CNIH3: variants seen among roughly 807,000 people sequenced by gnomAD.
The protein encoded by CNIH3 is protein cornichon homolog 3.
CNIH3 carries 14 observed loss-of-function variants against 24.1 expected under a neutral mutation model. The ratio of observed to expected loss-of-function variants is 0.58; its 90% CI spans 0.38 to 0.91. The LOEUF (loss-of-function observed/expected upper bound fraction) is 0.91. CNIH3 is among the 40% of genes least tolerant of loss of function. The pLI, the probability that CNIH3 is intolerant of heterozygous loss-of-function variation, is 0.00. For missense variants in CNIH3, 178 were observed against 196.8 expected (o/e 0.90, Z 0.57); for synonymous variants, 68 against 73.8 (o/e 0.92, Z 0.40).
chr1:224,624,739 C>G (rs1683436540), intron 1 of CNIH3, among the ~76,000 whole-genome samples: 1 of 152,200 alleles, frequency 6.6e-6, no homozygotes. Context: ...CCATGTTATT[C>G]CCAGACTAAA....
At chr1:224,586,207 C>T (rs1226761923) in intron 5 of CNIH3, among the ~76,000 whole-genome samples, 3 of 152,116 alleles carry the variant, frequency 2.0e-5, no homozygotes, top group South Asian at 2.1e-4. Flanking sequence ...TGTATTAGCC[C>T]GTTTTCATGC....
chr1:224,579,056 GTTTCTTTTTTCTTT>G (rs1206303111), intron 4 of CNIH3, among the ~76,000 whole-genome samples: 1 of 138,750 alleles, frequency 7.2e-6, no homozygotes, highest in Non-Finnish European at 1.5e-5. Context: ...AACTGATCAT[GTTTCTTTTTTCTTT>G]TTTTTTTTTT....
downstream of CNIH3, among the ~76,000 whole-genome samples, chr1:224,592,316 A>G (rs1681794781): frequency 6.6e-6 from 1 of 152,206 alleles, no homozygotes; most frequent in Non-Finnish European, 1.5e-5. Flanking sequence ...GTAAAAGACA[A>G]GAGAGCAGAA....
chr1:224,644,200 A>AG (rs1474810854), intron 1 of CNIH3, among the ~76,000 whole-genome samples: 1 of 152,054 alleles, frequency 6.6e-6, no homozygotes, highest in Non-Finnish European at 1.5e-5. Flanking sequence ...CTTTGTTACA[A>AG]GCATGTTGTT....
At chr1:224,714,458 C>T (rs1433547042) in intron 3 of CNIH3, among the ~76,000 whole-genome samples, 1 of 152,194 alleles carries the variant, frequency 6.6e-6, no homozygotes, top group African/African-American at 2.4e-5. Context: ...TTCCTTTGCT[C>T]TCTTCAAGGG....
chr1:224,459,015 C>G (rs1379770064), intron 1 of CNIH3, among the ~76,000 whole-genome samples: 1 of 152,230 alleles, frequency 6.6e-6, no homozygotes, highest in Non-Finnish European at 1.5e-5. Flanking sequence ...GTGATCAGCT[C>G]TCTTAGGGCA....
chr1:224,574,726 T>C lies in CNIH3; in HGVS notation n.517-8438T>C, dbSNP rs988269529. On this transcript the variant is annotated intron_variant and non_coding_transcript_variant, in intron 4 of 5. Transcript: ENST00000471578. ...AAAGGAGCCTGCCAGAAGATGCTCA[T>C]TGACCTGAAGCTGGACTACCTGGAC... 10 of 1,195,026 alleles carry C rather than the reference T, an allele frequency of 8.4e-6. No individual in the cohort carries two copies. The African/African-American group carries it at 9.0e-5, about 11-fold the overall frequency. 74.0% of individuals were successfully genotyped at this position (1,195,026 alleles called of 1,614,324 possible).
At chr1:224,681,740 T>C (rs976316458) in intron 2 of CNIH3, among the ~76,000 whole-genome samples, 6 of 152,172 alleles carry the variant, frequency 3.9e-5, no homozygotes, top group Non-Finnish European at 7.3e-5. Context: ...GTTTCCCTGG[T>C]CAGTGTAGTC....
At chr1:224,676,844 T>C (rs1055251100) in intron 1 of CNIH3, among the ~76,000 whole-genome samples, 1 of 152,198 alleles carries the variant, frequency 6.6e-6, no homozygotes, top group African/African-American at 2.4e-5. Context: ...AGGCTGAAAC[T>C]GGGAATCTAT....
chr1:224,719,510 A>G lies in CNIH3; in HGVS notation c.199-10952A>G, dbSNP rs1211240654. Among the ~76,000 whole-genome samples, 6 of 152,240 alleles carry G rather than the reference A, an allele frequency of 3.9e-5. No homozygotes were observed. In the East Asian group the frequency reaches 1.2e-3, roughly 29 times the overall value. ...GAGTATTTGAACTGAGAAGGACTGT[A>G]GAGATTGTAAGGTCAAATGTCTCCT... is the stretch of plus-strand genomic sequence containing the variant. On this transcript the variant is annotated intron_variant, in intron 3 of 5. Transcript: ENST00000272133.
At chr1:224,504,840 G>A (rs143625057) in intron 1 of CNIH3, among the ~76,000 whole-genome samples, 1 of 152,268 alleles carries the variant, frequency 6.6e-6, no homozygotes, top group Non-Finnish European at 1.5e-5. Context: ...CTGTTTAGAG[G>A]ATCAGATGAG....
intron 1 of CNIH3, among the ~76,000 whole-genome samples, chr1:224,675,548 G>A (rs1158995945): frequency 6.6e-6 from 1 of 152,126 alleles, no homozygotes; most frequent in Non-Finnish European, 1.5e-5. Context: ...CAGCATAGAA[G>A]ACAATATTTG....
chr1:224,450,343 G>A (rs925298741), intron 1 of CNIH3, among the ~76,000 whole-genome samples: 2 of 152,184 alleles, frequency 1.3e-5, no homozygotes, highest in African/African-American at 4.8e-5. Context: ...GGTATGACGT[G>A]CTAGGCAGAG....
intron 2 of CNIH3, among the ~76,000 whole-genome samples, chr1:224,546,663 T>C (rs1679716255): frequency 6.6e-6 from 1 of 152,194 alleles, no homozygotes; most frequent in East Asian, 1.9e-4. Flanking sequence ...AAAATTTATG[T>C]AAAATACCCT....
intron 4 of CNIH3, among the ~76,000 whole-genome samples, chr1:224,580,345 G>A (rs1423624227): frequency 6.6e-6 from 1 of 152,132 alleles, no homozygotes; most frequent in East Asian, 1.9e-4. Flanking sequence ...TCTGACACAA[G>A]CCTCCACCAA....
chr1:224,662,005 T>G (rs1685379426), intron 1 of CNIH3: 1 of 152,862 alleles, frequency 6.5e-6, no homozygotes, highest in South Asian at 2.1e-4. Flanking sequence ...TAGCTAGAAT[T>G]CCTATTCTTA....
At chr1:224,640,160 A>G (rs980178437) in intron 1 of CNIH3, among the ~76,000 whole-genome samples, 1 of 152,162 alleles carries the variant, frequency 6.6e-6, no homozygotes, top group Non-Finnish European at 1.5e-5. Flanking sequence ...AGTGGATTCC[A>G]GTTCAGTAAC....
chr1:224,444,710 T>A (rs1226825847), intron 1 of CNIH3, among the ~76,000 whole-genome samples: 2 of 151,648 alleles, frequency 1.3e-5, no homozygotes, highest in Non-Finnish European at 2.9e-5. Flanking sequence ...AGTAGCGCGA[T>A]CTCGGCTCAC....
chr1:224,506,943 G>C (rs1208160420), intron 1 of CNIH3, among the ~76,000 whole-genome samples: 1 of 152,014 alleles, frequency 6.6e-6, no homozygotes, highest in Non-Finnish European at 1.5e-5. Context: ...GCTCACTGCA[G>C]CCTCAACTTC....
Sources: gnomAD v4.1 joint callset for allele counts (sites outside exome capture counted in the v4.1 genomes callset) on GRCh38, gnomAD v4.1.1 for gene constraint, MANE v1.5 for transcripts, NCBI Gene and HGNC (gene_info 2026-07-23, HGNC 2026-07-21) for gene names.